GALNT10: variants seen among roughly 807,000 people sequenced by gnomAD.
GALNT10 encodes the protein GalNAc transferase 10.
A neutral mutation model predicts 75.0 loss-of-function variants in GALNT10; 41 were observed. That is an observed-to-expected ratio of 0.55 (90% CI 0.43 to 0.71). The LOEUF (loss-of-function observed/expected upper bound fraction) is 0.71. Ranked by LOEUF, GALNT10 falls within the 30% of genes least tolerant of loss-of-function variation. The pLI is 0.00. For missense variants in GALNT10, 727 were observed against 818.5 expected, an observed-to-expected ratio of 0.89 and a Z score of 1.36; for synonymous variants, 302 against 313.0, an observed-to-expected ratio of 0.96 and a Z score of 0.37.
intron 1 of GALNT10, among the ~76,000 whole-genome samples, chr5:154,254,411 C>G (rs1753575048): frequency 6.6e-6 from 1 of 152,030 alleles, no homozygotes; most frequent in Admixed American, 6.6e-5. Context: ...AAGAATCATT[C>G]CTGTTGGCAA....
chr5:154,309,279 A>T (rs543170325), intron 3 of GALNT10, among the ~76,000 whole-genome samples: 1 of 152,184 alleles, frequency 6.6e-6, no homozygotes, highest in East Asian at 1.9e-4. Context: ...CTGGAGCCTG[A>T]TGATGTGAAT....
chr5:154,275,998 A>G (rs565033626), intron 1 of GALNT10, among the ~76,000 whole-genome samples: 1 of 152,340 alleles, frequency 6.6e-6, no homozygotes, highest in East Asian at 1.9e-4. Context: ...TGAAAATACA[A>G]TCTGCCATAC....
chr5:154,385,790 C>T (rs1452030190), intron 6 of GALNT10, among the ~76,000 whole-genome samples: 2 of 152,244 alleles, frequency 1.3e-5, no homozygotes, highest in Non-Finnish European at 1.5e-5. Context: ...GCAGAACAAA[C>T]GTCCATGCTG....
At chr5:154,324,611 G>A (rs1561661301) in intron 3 of GALNT10, among the ~76,000 whole-genome samples, 1 of 152,236 alleles carries the variant, frequency 6.6e-6, no homozygotes, top group Non-Finnish European at 1.5e-5. Context: ...AATATTTTGG[G>A]GTAATGATTC....
chr5:154,337,605 G>A, intron 4 of GALNT10: 1 of 846,658 alleles, frequency 1.2e-6, no homozygotes, highest in Non-Finnish European at 2.0e-6. Flanking sequence ...TCCCTTCATG[G>A]GTCCAAAATT....
At chr5:154,385,349 C>T (rs1755793369) in intron 6 of GALNT10, among the ~76,000 whole-genome samples, 1 of 152,138 alleles carries the variant, frequency 6.6e-6, no homozygotes, top group African/African-American at 2.4e-5. Flanking sequence ...TTCCTGTTCC[C>T]GTGGGTACTG....
chr5:154,394,120 GAT>G (rs1436298367), intron 7 of GALNT10, among the ~76,000 whole-genome samples: 2 of 152,090 alleles, frequency 1.3e-5, no homozygotes, highest in South Asian at 4.1e-4. Flanking sequence ...GCAAGGGAGT[GAT>G]AGAAAGCCAT....
At chr5:154,413,640 C>T (rs898697577) in intron 10 of GALNT10, among the ~76,000 whole-genome samples, 3 of 152,206 alleles carry the variant, frequency 2.0e-5, no homozygotes, top group African/African-American at 7.2e-5. Context: ...ACTGCTCAGA[C>T]AATAGTGGGC....
intron 1 of GALNT10, among the ~76,000 whole-genome samples, chr5:154,243,712 T>A (rs1330661252): frequency 6.6e-6 from 1 of 152,208 alleles, no homozygotes; most frequent in East Asian, 1.9e-4. Flanking sequence ...AGTAAACCGT[T>A]GATGAAAGTT....
chr5:154,205,268 C>G (rs1418881067), intron 1 of GALNT10, among the ~76,000 whole-genome samples: 1 of 152,222 alleles, frequency 6.6e-6, no homozygotes, highest in Non-Finnish European at 1.5e-5. Context: ...CTCCTGTCCT[C>G]AGTCCACGTG....
chr5:154,253,061 T>C (rs1392067485), intron 1 of GALNT10, among the ~76,000 whole-genome samples: 1 of 151,332 alleles, frequency 6.6e-6, no homozygotes, highest in East Asian at 1.9e-4. Flanking sequence ...TTTTCTTTTA[T>C]TTCTAGTTCT....
At position 154,409,811 on chromosome 5, in the gene GALNT10, A is replaced by G; in HGVS notation, c.1386+49A>G. 1 of 1,185,592 alleles carries G rather than the reference A, an allele frequency of 8.4e-7. No individual in the cohort carries two copies. The highest frequency in any genetic ancestry group is 1.3e-6 in the Non-Finnish European group (1 of 791,086). 73.4% of individuals were successfully genotyped at this position (1,185,592 alleles called of 1,614,324 possible). ...CTCCATAATTTAATGGGTGTGCAAA[A>G]TGCAAATGCAGATCCCATGTTCAAA... On this transcript the variant is annotated intron_variant, in intron 9 of 11. Transcript: ENST00000297107. The surrounding 1 kb of genome is among the most constrained non-coding windows in gnomAD (Gnocchi z 4.5).
chr5:154,261,316 C>T (rs1355219532), intron 1 of GALNT10, among the ~76,000 whole-genome samples: 1 of 152,002 alleles, frequency 6.6e-6, no homozygotes, highest in Non-Finnish European at 1.5e-5. Context: ...GGTGGAGAAA[C>T]GGAGCTCCAG....
intron 4 of GALNT10, among the ~76,000 whole-genome samples, chr5:154,330,786 C>T (rs1291235472): frequency 2.0e-5 from 3 of 152,142 alleles, no homozygotes; most frequent in South Asian, 2.1e-4. Flanking sequence ...AGGGAGTATG[C>T]GTGCACTCCA....
Position 154,222,281 on chromosome 5 carries a change from T to C in GALNT10, c.159+31256T>C, listed in dbSNP as rs565844462. On this transcript the variant is annotated intron_variant, in intron 1 of 11. Coordinates refer to ENST00000297107, the MANE Select transcript of GALNT10 (RefSeq NM_198321.4). ...CATGATGCTTTTTGACATTCATCCA[T>C]GTTCTTGTGTGTATCAACAGTGCAT... Among the ~76,000 whole-genome samples the C allele has an allele frequency of 1.7e-3, 254 of 151,954 alleles. 1 individual carries two copies. Among genetic ancestry groups the C allele is most frequent in the African/African-American group, 5.6e-3 (233 of 41,532 alleles).
At chr5:154,346,114 T>A (rs1317602598) in intron 4 of GALNT10, among the ~76,000 whole-genome samples, 2 of 148,614 alleles carry the variant, frequency 1.3e-5, no homozygotes, top group East Asian at 4.0e-4. Context: ...CCTTCTTTTT[T>A]AAGGCTGAAT....
chr5:154,332,750 G>A (rs1299164867), intron 4 of GALNT10, among the ~76,000 whole-genome samples: 1 of 152,202 alleles, frequency 6.6e-6, no homozygotes, highest in Non-Finnish European at 1.5e-5. Flanking sequence ...AGATGTGGCT[G>A]TGGAAGACAC....
rs759254434 is a variant in GALNT10, at chr5:154,298,425, A to T, written c.401+346A>T. On this transcript the variant is annotated intron_variant, in intron 3 of 11. Coordinates refer to ENST00000297107, the MANE Select transcript of GALNT10 (RefSeq NM_198321.4). The surrounding 1 kb of genome is among the most constrained non-coding windows in gnomAD (Gnocchi z 4.1). ...CTGTGTGATGTTTTTATTTCTTTTT[A>T]AAAAAAATCTTTCTATATATTTGTA... Among the ~76,000 whole-genome samples the T allele has an allele frequency of 2.0e-4, 30 of 147,474 alleles. No homozygotes were observed. Among genetic ancestry groups the T allele is most frequent in the African/African-American group, 3.2e-4 (12 of 37,174 alleles).
intron 1 of GALNT10, among the ~76,000 whole-genome samples, chr5:154,283,927 T>C (rs1754078333): frequency 6.6e-6 from 1 of 152,230 alleles, no homozygotes; most frequent in South Asian, 2.1e-4. Context: ...TAAGCGCTGC[T>C]TGGAGCACAG....
Sources: gnomAD v4.1 joint callset for allele counts (sites outside exome capture counted in the v4.1 genomes callset) on GRCh38, gnomAD v4.1.1 for gene constraint, Gnocchi (gnomAD v3.1) non-coding constraint, MANE v1.5 for transcripts, NCBI Gene and HGNC (gene_info 2026-07-23, HGNC 2026-07-21) for gene names.